MYZAP: variants seen among roughly 807,000 people sequenced by gnomAD.
MYZAP encodes myocardial zonula adherens protein.
A neutral mutation model predicts 69.4 loss-of-function variants in MYZAP; 66 were observed. The observed-to-expected ratio is 0.95, with a 90% CI of 0.78 to 1.17. The LOEUF is 1.17. MYZAP is among the 50% of genes most tolerant of loss of function. The probability of loss-of-function intolerance (pLI) is 0.00; values close to 1 mark genes in which losing one functional copy is unlikely to be tolerated. For missense variants in MYZAP, 611 were observed against 556.2 expected (o/e 1.10, Z -0.99); for synonymous variants, 256 against 205.9 (o/e 1.24, Z -2.09).
intron 2 of MYZAP, 90 bp downstream of exon 2, chr15:57,604,445 G>A (rs1487162876): frequency 1.4e-6 from 2 of 1,436,176 alleles, no homozygotes; most frequent in African/African-American, 1.4e-5. Flanking sequence ...CATTCCCAGA[G>A]GCTGGGTGTC....
chr15:57,623,981 A>G (rs2035975815), intron 4 of MYZAP, among the ~76,000 whole-genome samples: 1 of 152,184 alleles, frequency 6.6e-6, no homozygotes, highest in Non-Finnish European at 1.5e-5. Flanking sequence ...AAAGTTACTA[A>G]AAGGTTAATC....
intron 10 of MYZAP, among the ~76,000 whole-genome samples, chr15:57,658,334 T>C (rs2038106484): frequency 6.6e-6 from 1 of 152,200 alleles, no homozygotes; most frequent in South Asian, 2.1e-4. Context: ...CTTACATAAT[T>C]ATAACACTAT....
intron 1 of MYZAP, among the ~76,000 whole-genome samples, chr15:57,596,734 T>G (rs1345556009): frequency 1.3e-5 from 2 of 152,198 alleles, no homozygotes; most frequent in Non-Finnish European, 2.9e-5. Flanking sequence ...CCTCCCTATA[T>G]GTGGTCTTCT....
At chr15:57,620,600 A>G (rs1412733500) in intron 3 of MYZAP, among the ~76,000 whole-genome samples, 1 of 152,216 alleles carries the variant, frequency 6.6e-6, no homozygotes. Context: ...TGTGTAAACA[A>G]GTGTTTTTGG....
intron 10 of MYZAP, among the ~76,000 whole-genome samples, chr15:57,642,560 A>G (rs919324391): frequency 6.6e-6 from 1 of 152,146 alleles, no homozygotes; most frequent in Non-Finnish European, 1.5e-5. Flanking sequence ...TCTTCATCAT[A>G]GCCTCACTTT....
intron 10 of MYZAP, among the ~76,000 whole-genome samples, chr15:57,640,206 C>T (rs2037068561): frequency 6.6e-6 from 1 of 152,132 alleles, no homozygotes; most frequent in Non-Finnish European, 1.5e-5. Flanking sequence ...CTAAGAGGAA[C>T]AAAATTTGTT....
At chr15:57,681,918 C>G (rs960964520) in intron 12 of MYZAP, among the ~76,000 whole-genome samples, 1 of 152,104 alleles carries the variant, frequency 6.6e-6, no homozygotes, top group African/African-American at 2.4e-5. Flanking sequence ...CCCTGCCATG[C>G]TTTTTAATAC....
rs866088824 is a variant in MYZAP, at chr15:57,633,658, A to C, written c.850A>C (p.Lys284Gln). Residue 284 changes from lysine to glutamine, a missense_variant, in exon 8 of 13, where the codon AAG becomes CAG. Lys to Gln is a moderately conservative substitution (Grantham distance 53). Coordinates refer to ENST00000267853, the MANE Select transcript of MYZAP (RefSeq NM_001018100.5). ...FLKAIEEANK[K>Q]MQAAEISLEE... Reference sequence around the variant, plus strand: ...GAAAGCGATTGAAGAAGCCAATAAAAAGATGCAAGCAGCAGAGATCAGCCT... The same window carrying C: ...GAAAGCGATTGAAGAAGCCAATAAACAGATGCAAGCAGCAGAGATCAGCCT... 2 of 1,613,532 alleles carry C rather than the reference A, an allele frequency of 1.2e-6. No homozygotes were observed. Among genetic ancestry groups the C allele is most frequent in the East Asian group, 4.5e-5 (2 of 44,866 alleles).
rs60502007 is a variant in MYZAP, at chr15:57,601,773, G to A, written c.76-2496G>A. ...TGATTTAAAGAACTGGGGTTGTTTC[G>A]TCCAGAAGAAAGGAAGTTCAAGGGA... On this transcript the variant is annotated intron_variant, in intron 1 of 12. Transcript: ENST00000267853. Among the ~76,000 whole-genome samples the A allele has an allele frequency of 5.9e-3, 899 of 152,182 alleles. 6 individuals carry two copies. Among genetic ancestry groups the A allele is most frequent in the African/African-American group, 0.013 (556 of 41,522 alleles).
intron 6 of MYZAP, among the ~76,000 whole-genome samples, chr15:57,631,517 A>G (rs1173884186): frequency 6.6e-6 from 1 of 151,088 alleles, no homozygotes; most frequent in East Asian, 1.9e-4. Flanking sequence ...ACCTGGATGC[A>G]GAGTGAATGG....
chr15:57,619,716 G>C (rs192429293), intron 3 of MYZAP, among the ~76,000 whole-genome samples: 1 of 152,270 alleles, frequency 6.6e-6, no homozygotes, highest in Admixed American at 6.5e-5. Context: ...GAATAGCTCA[G>C]ACATTTTAAT....
chr15:57,631,981 T>A (rs1250312508), intron 6 of MYZAP, among the ~76,000 whole-genome samples: 1 of 152,136 alleles, frequency 6.6e-6, no homozygotes, highest in East Asian at 1.9e-4. Context: ...CCAGGCCTGC[T>A]TCAGTACTAG....
At chr15:57,645,839 C>G (rs1490314729) in intron 10 of MYZAP, among the ~76,000 whole-genome samples, 1 of 152,166 alleles carries the variant, frequency 6.6e-6, no homozygotes, top group Non-Finnish European at 1.5e-5. Flanking sequence ...CTAGCTTAGC[C>G]ATCAATCTCT....
rs1259060373 is a variant in MYZAP, at chr15:57,629,731, C to T, written c.555C>T (p.Asn185=). Residue 185 remains asparagine, a synonymous_variant, in exon 6 of 13, where the codon AAC becomes AAT. Transcript: ENST00000267853. The part of the protein sequence containing the change: ...QKTLVDVTLE[N]SNIKDQIRNL... The stretch of plus-strand genomic sequence containing the variant: ...CCCTCGTGGATGTGACTTTGGAAAA[C>T]AGCAACATTAAGGATCAAATCAGAA... 4 of 1,610,342 alleles carry T rather than the reference C, an allele frequency of 2.5e-6. No homozygotes were observed. The highest frequency in any genetic ancestry group is 3.4e-6 in the Non-Finnish European group (4 of 1,179,248).
At chr15:57,657,086 C>T (rs539784204) in intron 10 of MYZAP, among the ~76,000 whole-genome samples, 5 of 152,246 alleles carry the variant, frequency 3.3e-5, no homozygotes, top group African/African-American at 1.2e-4. Flanking sequence ...GGGACAGTGA[C>T]CAGTAGGATC....
chr15:57,626,257 A>G (rs2036127269), intron 5 of MYZAP, among the ~76,000 whole-genome samples: 1 of 152,190 alleles, frequency 6.6e-6, no homozygotes, highest in Non-Finnish European at 1.5e-5. Flanking sequence ...TCACAGAATA[A>G]CACAGACTTC....
In MYZAP at chr15:57,592,103, C is replaced by T; in HGVS notation, c.69C>T (p.Ser23=). ...CCGCCAGGACGCCCGGGGCGCCCAG[C>T]AGGAGGGTGAGTAGCGGGGGCGGGA... ...GGAARTPGAP[S]RRANVCRLRL... The change falls in exon 1 of 13, where the codon AGC becomes AGT. Residue 23 remains serine (S), a synonymous_variant. Transcript: ENST00000267853. 7.4e-7 allele frequency: 1 copy of T among 1,355,254 alleles called. No individual in the cohort carries two copies. The highest frequency in any genetic ancestry group is 9.4e-7 in the Non-Finnish European group (1 of 1,058,332). The allele number at this position is 1,355,254 out of a possible 1,614,324, so 84.0% of individuals were successfully genotyped here.
At chr15:57,668,810 G>A (rs1002438294) in intron 11 of MYZAP, among the ~76,000 whole-genome samples, 18 of 150,954 alleles carry the variant, frequency 1.2e-4, no homozygotes, top group African/African-American at 4.1e-4. Context: ...AGATGTATGT[G>A]CTATGAACAT....
intron 1 of MYZAP, among the ~76,000 whole-genome samples, chr15:57,596,319 G>T (rs1004512900): frequency 6.6e-6 from 1 of 152,286 alleles, no homozygotes; most frequent in East Asian, 1.9e-4. Context: ...ACTGGGGAAG[G>T]CTTTGAAGTC....
Sources: gnomAD v4.1 joint callset for allele counts (sites outside exome capture counted in the v4.1 genomes callset) on GRCh38, gnomAD v4.1.1 for gene constraint, MANE v1.5 for transcripts, NCBI Gene and HGNC (gene_info 2026-07-23, HGNC 2026-07-21) for gene names.